Variants in PLCE1 observed in about 807,000 individuals in gnomAD.
The protein encoded by PLCE1 is 1-phosphatidylinositol 4,5-bisphosphate phosphodiesterase epsilon-1.
Under a neutral mutation model 242.8 loss-of-function variants are expected in PLCE1, and 119 were observed. That is an observed-to-expected ratio of 0.49 (90% CI 0.42 to 0.57). The LOEUF (loss-of-function observed/expected upper bound fraction) is 0.57. Ranked by LOEUF, PLCE1 falls within the 20% of genes least tolerant of loss-of-function variation. PLCE1 has a pLI of 0.00. For missense variants in PLCE1, 2,441 were observed against 2,788.8 expected (o/e 0.88, Z 2.81); for synonymous variants, 945 against 1,017.4 (o/e 0.93, Z 1.35).
At position 94,331,673 on chromosome 10, in the gene PLCE1, T is replaced by TGTCTCTTATACAGAGTCTAGAC. The variant is rs1311133780; in HGVS notation, c.*3731_*3752dup. 1.3e-5 allele frequency: 2 copies of TGTCTCTTATACAGAGTCTAGAC among 152,168 alleles called. No individual in the cohort carries two copies. Among genetic ancestry groups the TGTCTCTTATACAGAGTCTAGAC allele is most frequent in the African/African-American group, 2.4e-5 (1 of 41,422 alleles). 9.4% of individuals were successfully genotyped at this position (152,168 alleles called of 1,614,324 possible). Reference sequence around the variant, plus strand: ...AAAAAGTTAGAGAGAAAAGGGAGATTGTCTCTTATACAGAGTCTAGACTTG... The same window carrying TGTCTCTTATACAGAGTCTAGAC: ...AAAAAGTTAGAGAGAAAAGGGAGATTGTCTCTTATACAGAGTCTAGACGTCTCTTATACAGAGTCTAGACTTG... On this transcript the variant is annotated 3_prime_UTR_variant, in exon 33 of 33. Transcript: ENST00000371380.
At chr10:94,162,302 G>A (rs1160995612) in intron 3 of PLCE1, among the ~76,000 whole-genome samples, 1 of 152,014 alleles carries the variant, frequency 6.6e-6, no homozygotes, top group Admixed American at 6.6e-5. Context: ...TTTTTTGGTT[G>A]GTAACCTATT....
intron 9 of PLCE1, among the ~76,000 whole-genome samples, chr10:94,253,964 C>G (rs2050973439): frequency 6.6e-6 from 1 of 152,218 alleles, no homozygotes; most frequent in South Asian, 2.1e-4. Flanking sequence ...TCTGTGCCGC[C>G]TCTTGTCTGC....
chr10:94,194,652 C>G (rs570683779), intron 4 of PLCE1, among the ~76,000 whole-genome samples: 1 of 152,304 alleles, frequency 6.6e-6, no homozygotes, highest in South Asian at 2.1e-4. Flanking sequence ...CAGTGTGACT[C>G]CAGGCAAGTT....
chr10:94,235,155 CTCT>C (rs1304126395), intron 6 of PLCE1, among the ~76,000 whole-genome samples: 1 of 151,886 alleles, frequency 6.6e-6, no homozygotes, highest in African/African-American at 2.4e-5. Flanking sequence ...AACCTTCAGC[CTCT>C]TCTTTGTCAC....
intron 4 of PLCE1, among the ~76,000 whole-genome samples, chr10:94,205,795 T>C (rs757136155): frequency 1.9e-4 from 29 of 152,212 alleles, no homozygotes; most frequent in Non-Finnish European, 3.8e-4. Flanking sequence ...TGATCCAGGA[T>C]AATTGGAAGT....
At chr10:94,234,003 A>G in intron 5 of PLCE1, 51 bp from the exon 6 acceptor site, 1 of 1,521,858 alleles carries the variant, frequency 6.6e-7, no homozygotes, top group Non-Finnish European at 9.1e-7. Context: ...TCCTTGCTGT[A>G]AACTATATTA....
At chr10:94,053,082 C>T (rs933663732) in intron 2 of PLCE1, among the ~76,000 whole-genome samples, 5 of 152,142 alleles carry the variant, frequency 3.3e-5, no homozygotes, top group Non-Finnish European at 7.4e-5. Context: ...TTTGAGTTTT[C>T]ATAAGAGTGG....
intron 2 of PLCE1, among the ~76,000 whole-genome samples, chr10:94,070,234 G>C (rs545660377): frequency 2.0e-4 from 30 of 152,218 alleles, no homozygotes; most frequent in Admixed American, 5.2e-4. Flanking sequence ...TGCCTGGCTT[G>C]GAATAGTAAT....
At chr10:94,102,760 G>T (rs1407901871) in intron 2 of PLCE1, among the ~76,000 whole-genome samples, 1 of 152,126 alleles carries the variant, frequency 6.6e-6, no homozygotes, top group African/African-American at 2.4e-5. Flanking sequence ...GTGCCACGAC[G>T]GGTCTTATGA....
At position 94,306,637 on chromosome 10, in the gene PLCE1, A is replaced by T; in HGVS notation, c.5833A>T (p.Ser1945Cys). Residue 1945 changes from serine to cysteine, a missense_variant, in exon 26 of 33, where the codon AGT (serine) becomes TGT (cysteine). By Grantham distance (112) the Ser-to-Cys change is moderately radical (BLOSUM62 -1). Transcript: ENST00000371380. The surrounding 1 kb of genome is among the most constrained non-coding windows in gnomAD (Gnocchi z 5.7). ...TCGTTTTGCAGTTGTGGAAAACAAT[A>T]GTTCAGCGGTAACTGCTCAGAGAAT... ...FLRFAVVENNSSAVTAQRIIP... is the reference protein window; with the variant it reads ...FLRFAVVENNCSAVTAQRIIP... 1 of 1,614,158 alleles carries T rather than the reference A, an allele frequency of 6.2e-7. No homozygotes were observed. The highest frequency in any genetic ancestry group is 8.5e-7 in the Non-Finnish European group (1 of 1,179,992).
intron 4 of PLCE1, among the ~76,000 whole-genome samples, chr10:94,206,440 G>A (rs2049158692): frequency 6.6e-6 from 1 of 152,188 alleles, no homozygotes; most frequent in South Asian, 2.1e-4. Context: ...GGTACAGGAA[G>A]TCATTGAAAG....
intron 4 of PLCE1, among the ~76,000 whole-genome samples, chr10:94,197,914 C>T (rs781635712): frequency 7.9e-5 from 10 of 126,658 alleles, no homozygotes; most frequent in African/African-American, 2.4e-4. Context: ...ACCTGGGAGG[C>T]GGAGGTTGCA....
At chr10:94,257,048 A>G (rs574408850) in intron 11 of PLCE1, among the ~76,000 whole-genome samples, 4 of 152,276 alleles carry the variant, frequency 2.6e-5, no homozygotes, top group African/African-American at 4.8e-5. Context: ...CCTCTACCCT[A>G]TGTTTCCTGC....
Position 94,191,564 on chromosome 10 carries a change from G to A in PLCE1, c.1809+20068G>A, listed in dbSNP as rs956119850. 3.3e-5 allele frequency among the ~76,000 whole-genome samples: 5 copies of A among 152,024 alleles called. No individual in the cohort carries two copies. The East Asian group carries it at 5.8e-4, about 18-fold the overall frequency. ...CCTGAGGTGGGAGGATCACTTGAGTGCGGGAGGTTGAGTCTGCAGTGAGCT... is the reference window on the plus strand; with the variant it reads ...CCTGAGGTGGGAGGATCACTTGAGTACGGGAGGTTGAGTCTGCAGTGAGCT... On this transcript the variant is annotated intron_variant, in intron 4 of 32. Transcript: ENST00000371380.
Position 94,029,773 on chromosome 10 carries a change from A to G in PLCE1, c.-364-910A>G, listed in dbSNP as rs898251715. Among the ~76,000 whole-genome samples the G allele has an allele frequency of 3.9e-5, 6 of 152,258 alleles. No individual in the cohort carries two copies. In the South Asian group the frequency reaches 1.2e-3, roughly 32 times the overall value. On this transcript the variant is annotated intron_variant, in intron 1 of 32. Coordinates refer to ENST00000371380, the MANE Select transcript of PLCE1 (RefSeq NM_016341.4). ...AGAAGCAAGGGGAAGAAAGACATCT[A>G]TTTGTCAAAGAGCAAAGGCAAGGCA...
At chr10:94,118,445 AC>A (rs11304133) in intron 2 of PLCE1, among the ~76,000 whole-genome samples, 85,568 of 151,944 alleles carry the variant, frequency 0.56, 25,036 homozygotes, top group South Asian at 0.77. Context: ...CCCAAATCTC[AC>A]CTTATAGCTC....
At chr10:94,127,101 G>A (rs772209015) in intron 2 of PLCE1, among the ~76,000 whole-genome samples, 6 of 152,210 alleles carry the variant, frequency 3.9e-5, no homozygotes, top group Non-Finnish European at 7.3e-5. Context: ...AGATTAGTGT[G>A]TGGATTCAAT....
intron 20 of PLCE1, chr10:94,280,612 G>C (rs1279082352): frequency 6.6e-6 from 1 of 152,322 alleles, no homozygotes; most frequent in Non-Finnish European, 1.5e-5. Context: ...ATAGTAGACT[G>C]TTTCATTTTG....
intron 2 of PLCE1, among the ~76,000 whole-genome samples, chr10:94,071,630 C>T (rs1283933342): frequency 6.6e-6 from 1 of 150,628 alleles, no homozygotes; most frequent in African/African-American, 2.4e-5. Flanking sequence ...TCCCCAGTAT[C>T]TGGGACTACA....
Sources: gnomAD v4.1 joint callset for allele counts (sites outside exome capture counted in the v4.1 genomes callset) on GRCh38, gnomAD v4.1.1 for gene constraint, Gnocchi (gnomAD v3.1) non-coding constraint, MANE v1.5 for transcripts, NCBI Gene and HGNC (gene_info 2026-07-23, HGNC 2026-07-21) for gene names.